Variants in GFPT2 observed in about 807,000 individuals in gnomAD.
The protein encoded by GFPT2 is glutamine--fructose-6-phosphate transaminase 2, also known as glutamine--fructose-6-phosphate aminotransferase [isomerizing] 2.
GFPT2 carries 62 observed loss-of-function variants against 85.6 expected under a neutral mutation model. The ratio of observed to expected loss-of-function variants is 0.72; its 90% CI spans 0.59 to 0.90. GFPT2 has a LOEUF of 0.90. GFPT2 is among the 40% of genes least tolerant of loss of function. The probability of loss-of-function intolerance (pLI) is 0.00; values close to 1 mark genes in which losing one functional copy is unlikely to be tolerated. For missense variants in GFPT2, 788 were observed against 893.4 expected (o/e 0.88, Z 1.50); for synonymous variants, 368 against 344.5 (o/e 1.07, Z -0.75).
intron 1 of GFPT2, chr5:180,352,968 G>C: frequency 2.4e-6 from 1 of 410,502 alleles, no homozygotes; most frequent in South Asian, 6.8e-5. Context: ...CCCCCTCACT[G>C]TGTCCGAGAC....
intron 17 of GFPT2, among the ~76,000 whole-genome samples, chr5:180,304,180 A>G (rs1763734400): frequency 6.6e-6 from 1 of 152,222 alleles, no homozygotes; most frequent in African/African-American, 2.4e-5. Context: ...GGGGCCCTCA[A>G]ACTAGGGGTC....
At chr5:180,349,477 T>C (rs766812910) in intron 1 of GFPT2, among the ~76,000 whole-genome samples, 3 of 152,148 alleles carry the variant, frequency 2.0e-5, no homozygotes, top group Non-Finnish European at 4.4e-5. Flanking sequence ...TGCTATACCA[T>C]AAAGTTATAA....
chr5:180,331,269 T>G, intron 5 of GFPT2: 1 of 561,932 alleles, frequency 1.8e-6, no homozygotes. Context: ...TCTGGGAATC[T>G]GCAGTGGCCC....
chr5:180,316,463 T>C lies in GFPT2; in HGVS notation c.1153-2A>G. On this transcript the variant is annotated splice_acceptor_variant, in intron 12 of 18. Transcript: ENST00000253778. LOFTEE classifies it high-confidence loss of function. ...CAGTTCCTCCAAAACTTGCCGCGTC[T>C]GAAGCCAACAAGCAAGCATGGAGAC... 1.2e-6 allele frequency: 2 copies of C among 1,614,134 alleles called. No individual in the cohort carries two copies. Among genetic ancestry groups the C allele is most frequent in the African/African-American group, 2.7e-5 (2 of 75,042 alleles).
At chr5:180,348,723 ATTTCT>A (rs1764656516) in intron 1 of GFPT2, among the ~76,000 whole-genome samples, 1 of 145,938 alleles carries the variant, frequency 6.9e-6, no homozygotes, top group Admixed American at 6.8e-5. Context: ...TGGACAGGAC[ATTTCT>A]TTTCTTTTTT....
Position 180,324,244 on chromosome 5 carries a change from G to A in GFPT2, c.738C>T (p.Ala246=). Residue 246 remains alanine (A), a synonymous_variant, in exon 9 of 19, where the codon GCC becomes GCT. Coordinates refer to ENST00000253778, the MANE Select transcript of GFPT2 (RefSeq NM_005110.4). ...CCTTGTCGCCCACAGCATGCAGGCAGGCGGAGCTGTCCAGCCTCTTCATCC... is the reference window on the plus strand; with the variant it reads ...CCTTGTCGCCCACAGCATGCAGGCAAGCGGAGCTGTCCAGCCTCTTCATCC... ...KTRMKRLDSS[A]CLHAVGDKAV... 1 of 1,613,344 alleles carries A rather than the reference G, an allele frequency of 6.2e-7. No individual in the cohort carries two copies. The highest frequency in any genetic ancestry group is 8.5e-7 in the Non-Finnish European group (1 of 1,179,412).
At chr5:180,329,931 CT>C (rs1285934102) in intron 6 of GFPT2, among the ~76,000 whole-genome samples, 1 of 152,246 alleles carries the variant, frequency 6.6e-6, no homozygotes, top group Non-Finnish European at 1.5e-5. Context: ...CTTCTTCTCC[CT>C]GGGCCCTGTC....
chr5:180,321,469 C>T (rs1370330849), intron 9 of GFPT2, among the ~76,000 whole-genome samples: 1 of 152,254 alleles, frequency 6.6e-6, no homozygotes, highest in Non-Finnish European at 1.5e-5. Flanking sequence ...CCGTGGGCAA[C>T]ATACATAACC....
intron 3 of GFPT2, 84 bp from the exon 4 acceptor site, chr5:180,336,037 A>G: frequency 7.5e-7 from 1 of 1,341,696 alleles, no homozygotes; most frequent in Non-Finnish European, 1.0e-6. Flanking sequence ...GTCGTTACCC[A>G]AGTCACGTCA....
chr5:180,305,909 C>G (rs1763766955), intron 16 of GFPT2, among the ~76,000 whole-genome samples: 1 of 151,982 alleles, frequency 6.6e-6, no homozygotes, highest in Admixed American at 6.6e-5. Flanking sequence ...CCACCAAGAC[C>G]AAGGAAATCA....
rs115491811 is a variant in GFPT2, at chr5:180,307,030, T to A, written c.1674+146A>T. 1,992 of 627,772 alleles carry A rather than the reference T, an allele frequency of 3.2e-3. 34 individuals carry two copies. The African/African-American group carries it at 0.032, about 10-fold the overall frequency. 38.9% of individuals were successfully genotyped at this position (627,772 alleles called of 1,614,324 possible). The stretch of plus-strand genomic sequence containing the variant: ...GGCTAGAAACCTGGTGGAGAGCTGG[T>A]GCTCAGCGCAGGCTCACAGGACTGG... On this transcript the variant is annotated intron_variant, in intron 16 of 18. Coordinates refer to ENST00000253778, the MANE Select transcript of GFPT2 (RefSeq NM_005110.4).
At chr5:180,316,623 C>A (rs555153128) in intron 12 of GFPT2, 141 bp downstream of exon 12, 1 of 902,030 alleles carries the variant, frequency 1.1e-6, no homozygotes, top group Non-Finnish European at 1.7e-6. Flanking sequence ...AAAAGGGCTC[C>A]GTGTCATTTC....
chr5:180,314,064 C>G, intron 13 of GFPT2, 100 bp from the exon 14 acceptor site: 1 of 1,198,670 alleles, frequency 8.3e-7, no homozygotes. Flanking sequence ...GAAATCGGCG[C>G]CCGAGACACA....
chr5:180,324,752 G>C, intron 8 of GFPT2, 64 bp downstream of exon 8: 1 of 1,061,930 alleles, frequency 9.4e-7, no homozygotes, highest in Non-Finnish European at 1.5e-6. Context: ...GACTGTGCCA[G>C]AGCAGCTGCC....
chr5:180,329,623 G>T (rs769489825), intron 6 of GFPT2, among the ~76,000 whole-genome samples: 2 of 152,300 alleles, frequency 1.3e-5, no homozygotes, highest in East Asian at 3.9e-4. Context: ...GGACAAAAAG[G>T]CTTCAACAGT....
At chr5:180,324,734 G>C (rs767953339) in intron 8 of GFPT2, 82 bp downstream of exon 8, 6 of 906,310 alleles carry the variant, frequency 6.6e-6, no homozygotes, top group Admixed American at 5.1e-5. Flanking sequence ...TTGCCTCAGA[G>C]GGGAGCTGAC....
intron 16 of GFPT2, among the ~76,000 whole-genome samples, chr5:180,306,301 T>C (rs1561871312): frequency 6.6e-6 from 1 of 152,040 alleles, no homozygotes; most frequent in Non-Finnish European, 1.5e-5. Context: ...GTCTTTCAAA[T>C]GGGGGTGGTG....
intron 15 of GFPT2, among the ~76,000 whole-genome samples, chr5:180,312,208 AGGCAG>A (rs1187020719): frequency 1.2e-5 from 1 of 86,928 alleles, no homozygotes; most frequent in African/African-American, 4.5e-5. Context: ...GGAGGCAGGG[AGGCAG>A]GGAGGCAGGG....
At chr5:180,344,026 T>C (rs1198584887) in intron 1 of GFPT2, among the ~76,000 whole-genome samples, 1 of 152,178 alleles carries the variant, frequency 6.6e-6, no homozygotes, top group South Asian at 2.1e-4. Context: ...TGCCAAAGAC[T>C]AGTGACAGTC....
Sources: gnomAD v4.1 joint callset for allele counts (sites outside exome capture counted in the v4.1 genomes callset) on GRCh38, gnomAD v4.1.1 for gene constraint, MANE v1.5 for transcripts, NCBI Gene and HGNC (gene_info 2026-07-23, HGNC 2026-07-21) for gene names.